The following ZNF385D variants were observed in gnomAD, a reference collection of about 807,000 sequenced individuals.
ZNF385D encodes zinc finger protein 659.
Under a neutral mutation model 35.8 loss-of-function variants are expected in ZNF385D, and 15 were observed. That is an observed-to-expected ratio of 0.42 (90% CI 0.28 to 0.64). The LOEUF (loss-of-function observed/expected upper bound fraction) is 0.64, where lower values mean the gene tolerates loss of function less well. ZNF385D is among the 30% of genes least tolerant of loss of function. ZNF385D has a pLI of 0.23. For missense variants in ZNF385D, 474 were observed against 494.6 expected (o/e 0.96, Z 0.39); for synonymous variants, 212 against 186.8 (o/e 1.13, Z -1.10).
chr3:21,619,957 TG>T (rs750359127), intron 2 of ZNF385D, among the ~76,000 whole-genome samples: 3 of 152,228 alleles, frequency 2.0e-5, no homozygotes, highest in Non-Finnish European at 2.9e-5. Context: ...CAGGGAAACT[TG>T]GGCATGAAGA....
intron 1 of ZNF385D, among the ~76,000 whole-genome samples, chr3:21,689,374 A>C (rs2067210508): frequency 6.6e-6 from 1 of 152,074 alleles, no homozygotes; most frequent in African/African-American, 2.4e-5. Flanking sequence ...TACAATACCT[A>C]GATGAACTGT....
At chr3:21,752,144 A>G (rs1189823848), upstream of ZNF385D, among the ~76,000 whole-genome samples, 1 of 152,024 alleles carries the variant, frequency 6.6e-6, no homozygotes, top group Non-Finnish European at 1.5e-5. Context: ...CTTACATAGA[A>G]AAGGATATTA....
rs1396768726 is a variant in ZNF385D at position 21,757,973 on chromosome 3, T to C, written c.326-92945A>G. Among the ~76,000 whole-genome samples the C allele has an allele frequency of 2.0e-5, 3 of 152,338 alleles. No homozygotes were observed. In the East Asian group the frequency reaches 5.8e-4, roughly 29 times the overall value. ...TACCTCTGGATGGTGCTTCCTACTG[T>C]TCCTACTGAGAATATAAAGTTATAT... On this transcript the variant is annotated intron_variant, in intron 3 of 5. Transcript: ENST00000494108.
At chr3:21,640,465 T>A (rs746444045) in intron 2 of ZNF385D, among the ~76,000 whole-genome samples, 4 of 152,070 alleles carry the variant, frequency 2.6e-5, no homozygotes, top group Admixed American at 6.6e-5. Context: ...ACTTCCAGTG[T>A]TATGGTACTA....
At position 21,768,349 on chromosome 3, in the gene ZNF385D, T is replaced by A. The variant is rs573916046; in HGVS notation, c.326-103321A>T. ...AATTACATTAACATAAGAAATAAATTTGTTACTGAGGATCCTGGGAAGTAG... is the reference window on the plus strand; with the variant it reads ...AATTACATTAACATAAGAAATAAATATGTTACTGAGGATCCTGGGAAGTAG... On this transcript the variant is annotated intron_variant, in intron 3 of 5. Coordinates refer to the ZNF385D transcript ENST00000494108. 5.9e-5 allele frequency among the ~76,000 whole-genome samples: 9 copies of A among 152,178 alleles called. No individual in the cohort carries two copies. The East Asian group carries it at 1.7e-3, about 29-fold the overall frequency.
intron 3 of ZNF385D, among the ~76,000 whole-genome samples, chr3:22,100,944 G>T (rs893400603): frequency 4.6e-5 from 7 of 151,936 alleles, no homozygotes; most frequent in Non-Finnish European, 7.4e-5. Flanking sequence ...TAGTAAATGT[G>T]AAGTCAGGCA....
At chr3:21,460,842 C>G (rs1006405295) in intron 4 of ZNF385D, among the ~76,000 whole-genome samples, 1 of 152,072 alleles carries the variant, frequency 6.6e-6, no homozygotes, top group Non-Finnish European at 1.5e-5. Context: ...GAACTAGTCC[C>G]TGGAAGACTC....
intron 3 of ZNF385D, among the ~76,000 whole-genome samples, chr3:22,023,430 C>T (rs1383093): frequency 6.6e-6 from 1 of 151,884 alleles, no homozygotes; most frequent in Admixed American, 6.6e-5. Context: ...GCGGCATAGA[C>T]CACTAAAAAG....
chr3:21,703,722 G>C (rs376046844), intron 1 of ZNF385D, among the ~76,000 whole-genome samples: 1 of 150,800 alleles, frequency 6.6e-6, no homozygotes, highest in African/African-American at 2.4e-5. Context: ...CTTTTTTCAT[G>C]TTGGCTCATG....
chr3:21,943,786 G>C (rs554710129), intron 3 of ZNF385D, among the ~76,000 whole-genome samples: 1 of 152,238 alleles, frequency 6.6e-6, no homozygotes, highest in African/African-American at 2.4e-5. Context: ...CAGTAATTTA[G>C]TCCTGGCAGT....
At chr3:21,458,049 C>T (rs1319423389) in intron 4 of ZNF385D, among the ~76,000 whole-genome samples, 3 of 152,058 alleles carry the variant, frequency 2.0e-5, no homozygotes, top group African/African-American at 7.2e-5. Flanking sequence ...AACAACAAAA[C>T]ATTCAGCAGC....
At chr3:22,053,188 A>C (rs1699363253) in intron 3 of ZNF385D, among the ~76,000 whole-genome samples, 1 of 90,166 alleles carries the variant, frequency 1.1e-5, no homozygotes, top group Non-Finnish European at 2.3e-5. Context: ...CAGGTGTGGG[A>C]TATAGTCTCA....
intron 2 of ZNF385D, among the ~76,000 whole-genome samples, chr3:22,229,678 A>G (rs1698767421): frequency 6.6e-6 from 1 of 152,156 alleles, no homozygotes; most frequent in Non-Finnish European, 1.5e-5. Context: ...AAAGGGATTG[A>G]GAGTTCTCAG....
rs191260574 is a variant in ZNF385D, at chr3:22,015,702, G to A, written c.325+153115C>T. Among the ~76,000 whole-genome samples the A allele has an allele frequency of 9.9e-5, 15 of 152,182 alleles. 1 individual carries two copies. The highest frequency in any genetic ancestry group is 9.8e-4 in the Admixed American group (15 of 15,274). The stretch of plus-strand genomic sequence containing the variant: ...GAAGCCATCTGGCTCCTGGTCTTTG[G>A]TTTTTCTCTTGTTTTTACTACCATA... On this transcript the variant is annotated intron_variant, in intron 3 of 5. Coordinates refer to the ZNF385D transcript ENST00000494108.
At chr3:22,193,196 G>T (rs1576474446) in intron 2 of ZNF385D, among the ~76,000 whole-genome samples, 1 of 152,012 alleles carries the variant, frequency 6.6e-6, no homozygotes, top group South Asian at 2.1e-4. Flanking sequence ...TACTTTATTT[G>T]ACACCTTCCT....
intron 3 of ZNF385D, among the ~76,000 whole-genome samples, chr3:22,163,399 A>C (rs952646570): frequency 1.3e-5 from 2 of 152,214 alleles, no homozygotes; most frequent in African/African-American, 4.8e-5. Context: ...ATTAATTTAT[A>C]TACATCAGAT....
intron 2 of ZNF385D, among the ~76,000 whole-genome samples, chr3:22,294,372 T>A (rs1702459029): frequency 6.6e-6 from 1 of 152,096 alleles, no homozygotes; most frequent in Non-Finnish European, 1.5e-5. Flanking sequence ...TTTTTCAATA[T>A]CTCCTCTAAT....
At chr3:22,371,245 C>T (rs1398165457) in intron 2 of ZNF385D, among the ~76,000 whole-genome samples, 2 of 152,168 alleles carry the variant, frequency 1.3e-5, no homozygotes, top group African/African-American at 4.8e-5. Flanking sequence ...TTTTAGAAAA[C>T]ATCGTGAACC....
At chr3:21,967,561 G>A (rs925467298) in intron 3 of ZNF385D, among the ~76,000 whole-genome samples, 1 of 152,182 alleles carries the variant, frequency 6.6e-6, no homozygotes, top group Non-Finnish European at 1.5e-5. Context: ...AGCTTATAGA[G>A]GGGAGCTAAA....
Sources: gnomAD v4.1 joint callset for allele counts (sites outside exome capture counted in the v4.1 genomes callset) on GRCh38, gnomAD v4.1.1 for gene constraint, MANE v1.5 for transcripts, NCBI Gene and HGNC (gene_info 2026-07-23, HGNC 2026-07-21) for gene names.